The following PRDM2 variants were observed in gnomAD, a reference collection of about 807,000 sequenced individuals.
The protein encoded by PRDM2 is PR/SET domain 2.
PRDM2 carries 30 observed loss-of-function variants against 130.0 expected under a neutral mutation model. The observed-to-expected ratio is 0.23, with a 90% CI of 0.17 to 0.31. The LOEUF (loss-of-function observed/expected upper bound fraction) is 0.31, where lower values mean the gene tolerates loss of function less well. Among genes scored for constraint, PRDM2 ranks in the 10% least tolerant of loss-of-function variants. PRDM2 has a pLI of 1.00. For synonymous variants in PRDM2, 871 were observed against 782.4 expected, an observed-to-expected ratio of 1.11 and a Z score of -1.89; for missense variants, 2,011 against 2,108.4, an observed-to-expected ratio of 0.95 and a Z score of 0.90.
At chr1:13,818,674 C>T (rs924444185) in intron 9 of PRDM2, among the ~76,000 whole-genome samples, 4 of 152,062 alleles carry the variant, frequency 2.6e-5, no homozygotes, top group Admixed American at 1.3e-4. Context: ...CGTGAGCCAC[C>T]GCTCCCGGCT....
chr1:13,716,742 A>G (rs182518886), intron 2 of PRDM2, among the ~76,000 whole-genome samples: 43 of 152,322 alleles, frequency 2.8e-4, no homozygotes, highest in African/African-American at 8.2e-4. Flanking sequence ...TCTGGTTTCA[A>G]TATCATCTCT....
chr1:13,756,033 C>G (rs1307037065), intron 6 of PRDM2, among the ~76,000 whole-genome samples: 1 of 150,312 alleles, frequency 6.7e-6, no homozygotes, highest in Non-Finnish European at 1.5e-5. Flanking sequence ...GGGTGGATCA[C>G]AAGGTCAGGA....
At position 13,823,568 on chromosome 1, in the gene PRDM2, A is replaced by C; in HGVS notation, c.*433A>C. ...TTTGACCCAGGGGTCAGCCTTAGGA[A>C]GGCCTTCAGGAGGAGGCCGAGTTCC... On this transcript the variant is annotated 3_prime_UTR_variant, in exon 10 of 10. Transcript: ENST00000311066. 1 of 191,426 alleles carries C rather than the reference A, an allele frequency of 5.2e-6. No homozygotes were observed. The highest frequency in any genetic ancestry group is 1.1e-5 in the Non-Finnish European group (1 of 92,756). 11.9% of individuals were successfully genotyped at this position (191,426 alleles called of 1,614,324 possible). A position where few individuals can be genotyped will look rare whatever the true frequency, so the allele number is the denominator to read the frequency against.
intron 5 of PRDM2, among the ~76,000 whole-genome samples, chr1:13,747,769 C>CAAGA (rs1643657033): frequency 2.1e-5 from 1 of 48,398 alleles, no homozygotes; most frequent in Admixed American, 2.5e-4. Context: ...TCCCTCCCCG[C>CAAGA]AAAAAAAAAA....
chr1:13,804,591 C>CG (rs142079563), intron 8 of PRDM2, among the ~76,000 whole-genome samples: 4,804 of 151,470 alleles, frequency 0.032, 199 homozygotes, highest in African/African-American at 0.095. Flanking sequence ...CAACAAGCTC[C>CG]GGGGGGGGAA....
At chr1:13,767,925 G>A (rs901565667) in intron 6 of PRDM2, among the ~76,000 whole-genome samples, 13 of 152,002 alleles carry the variant, frequency 8.6e-5, no homozygotes, top group African/African-American at 2.2e-4. Context: ...GCAGTGAATC[G>A]AGATCATGCC....
intron 9 of PRDM2, among the ~76,000 whole-genome samples, chr1:13,818,816 G>A (rs1036454567): frequency 1.3e-5 from 2 of 152,092 alleles, no homozygotes; most frequent in African/African-American, 2.4e-5. Context: ...AATTGAACCT[G>A]TCTCTCTGGG....
At position 13,781,258 on chromosome 1, in the gene PRDM2, A is replaced by C. The variant is rs778453881; in HGVS notation, c.3463A>C (p.Ile1155Leu). ...SIKDLTKHLS[I>L]HAEEWPFKCE... is the part of the protein sequence containing the mutation. ...TAAAGATCTAACCAAACATTTATCT[A>C]TTCATGCTGAAGAATGGCCCTTCAA... Residue 1155 changes from isoleucine (I) to leucine (L), a missense_variant, in exon 8 of 10, where the codon ATT becomes CTT. Transcript: ENST00000311066. The surrounding 1 kb of genome is among the most constrained non-coding windows in gnomAD (Gnocchi z 6.1). The C allele has an allele frequency of 3.1e-6, 5 of 1,614,120 alleles. No homozygotes were observed. The highest frequency in any genetic ancestry group is 4.2e-6 in the Non-Finnish European group (5 of 1,180,044).
chr1:13,726,536 G>A (rs1642922316), intron 2 of PRDM2, among the ~76,000 whole-genome samples: 1 of 152,162 alleles, frequency 6.6e-6, no homozygotes, highest in African/African-American at 2.4e-5. Context: ...ACTGACGGAT[G>A]GGCTGAATGA....
rs1406915688 is a variant in PRDM2 at position 13,818,514 on chromosome 1, G to T, written c.*23+1944G>T. On this transcript the variant is annotated intron_variant, in intron 9 of 9. Transcript: ENST00000311066. ...CTGCCTCAGCCTCCTGAGTAGCTGG[G>T]ACTACAGGCACCCGCCACTACTCCT... Among the ~76,000 whole-genome samples, 6 of 148,808 alleles carry T rather than the reference G, an allele frequency of 4.0e-5. No individual in the cohort carries two copies. The East Asian group carries it at 1.2e-3, about 29-fold the overall frequency.
intron 8 of PRDM2, among the ~76,000 whole-genome samples, chr1:13,802,037 G>A (rs952179657): frequency 3.9e-5 from 6 of 152,316 alleles, no homozygotes; most frequent in Non-Finnish European, 8.8e-5. Flanking sequence ...GAGCTGTCCC[G>A]TCCTGGCCAC....
chr1:13,720,124 A>G (rs2100431252), intron 2 of PRDM2, among the ~76,000 whole-genome samples: 1 of 152,344 alleles, frequency 6.6e-6, no homozygotes, highest in East Asian at 1.9e-4. Context: ...ACTTGCTGAT[A>G]ATTCTCTGGG....
intron 3 of PRDM2, among the ~76,000 whole-genome samples, chr1:13,731,679 G>A (rs1643116084): frequency 6.6e-6 from 1 of 152,102 alleles, no homozygotes; most frequent in Non-Finnish European, 1.5e-5. Context: ...GCGCGTGTGT[G>A]TTTGGTTTTT....
intron 8 of PRDM2, among the ~76,000 whole-genome samples, chr1:13,789,916 C>A (rs1408382469): frequency 6.6e-6 from 1 of 152,252 alleles, no homozygotes; most frequent in Admixed American, 6.5e-5. Flanking sequence ...GATGGCACCA[C>A]TCCTGCAGCT....
Position 13,749,411 on chromosome 1 carries a change from C to A in PRDM2, c.435C>A (p.Asn145Lys). Reference protein sequence around the residue: ...ELLVWYNGEDNPEIAAAIEEE... With the variant: ...ELLVWYNGEDKPEIAAAIEEE... ...TGGTCTGGTACAATGGGGAAGACAA[C>A]CCTGAGATAGCAGCTGCGATTGAGG... Residue 145 changes from asparagine to lysine, a missense_variant, in exon 6 of 10, where the codon AAC (asparagine) becomes AAA (lysine). By Grantham distance (94) the Asn-to-Lys change is moderately conservative. Coordinates refer to ENST00000311066, the MANE Select transcript of PRDM2 (RefSeq NM_001393986.1). The A allele has an allele frequency of 6.6e-7, 1 of 1,508,940 alleles. No individual in the cohort carries two copies. The highest frequency in any genetic ancestry group is 1.1e-5 in the South Asian group (1 of 88,158). 93.5% of individuals were successfully genotyped at this position (1,508,940 alleles called of 1,614,324 possible).
intron 8 of PRDM2, 49 bp from the exon 9 acceptor site, chr1:13,816,378 A>T: frequency 6.2e-7 from 1 of 1,607,962 alleles, no homozygotes; most frequent in East Asian, 2.2e-5. Context: ...TGTCTAGGGC[A>T]CCGGGCTGGG....
At chr1:13,751,772 A>G (rs1643849241) in intron 6 of PRDM2, among the ~76,000 whole-genome samples, 1 of 152,200 alleles carries the variant, frequency 6.6e-6, no homozygotes, top group South Asian at 2.1e-4. Flanking sequence ...TGAATTCTTC[A>G]TAGTTCTGGA....
chr1:13,727,688 G>A (rs1411243100), intron 2 of PRDM2, among the ~76,000 whole-genome samples: 7 of 152,186 alleles, frequency 4.6e-5, no homozygotes, highest in African/African-American at 7.2e-5. Context: ...GAGTGATGCC[G>A]TGTTGAGGCA....
At chr1:13,712,928 C>T (rs115785834) in intron 1 of PRDM2, among the ~76,000 whole-genome samples, 2,747 of 152,282 alleles carry the variant, frequency 0.018, 64 homozygotes, top group South Asian at 0.12. Flanking sequence ...CGCCCCTCAC[C>T]GACTCTGCAC....
Sources: gnomAD v4.1 joint callset for allele counts (sites outside exome capture counted in the v4.1 genomes callset) on GRCh38, gnomAD v4.1.1 for gene constraint, Gnocchi (gnomAD v3.1) non-coding constraint, MANE v1.5 for transcripts, NCBI Gene and HGNC (gene_info 2026-07-23, HGNC 2026-07-21) for gene names.